Variants in RANBP2 observed in about 807,000 individuals in gnomAD.
RANBP2 encodes the protein E3 SUMO-protein ligase RanBP2.
RANBP2 carries 57 observed loss-of-function variants against 303.6 expected under a neutral mutation model. The ratio of observed to expected loss-of-function variants is 0.19; its 90% CI spans 0.15 to 0.23. The LOEUF (loss-of-function observed/expected upper bound fraction) is 0.23. RANBP2 is among the 10% of genes least tolerant of loss of function. The pLI is 1.00. For missense variants in RANBP2, 3,138 were observed against 3,780.8 expected, an observed-to-expected ratio of 0.83 and a Z score of 4.46; for synonymous variants, 1,167 against 1,301.5, an observed-to-expected ratio of 0.90 and a Z score of 2.23.
chr2:109,474,934 T>C, the RANBP2 span, among the ~76,000 whole-genome samples: 2 of 152,304 alleles, frequency 1.3e-5, no homozygotes, highest in South Asian at 4.1e-4. Flanking sequence ...ATAGCACCTT[T>C]CAGTGTTTTT....
At chr2:108,812,587 G>A in the RANBP2 span, 8 of 1,428,962 alleles carry the variant, frequency 5.6e-6, no homozygotes, top group Admixed American at 1.7e-5. Context: ...TATGAAACCA[G>A]TTGAAGGTGT....
chr2:109,526,942 C>T, the RANBP2 span, among the ~76,000 whole-genome samples: 1 of 152,100 alleles, frequency 6.6e-6, no homozygotes. Context: ...AGCCTGCCTG[C>T]GTGGGGGCTG....
chr2:109,187,864 T>A, the RANBP2 span, among the ~76,000 whole-genome samples: 1 of 152,196 alleles, frequency 6.6e-6, no homozygotes, highest in African/African-American at 2.4e-5. Context: ...ACGGACTGGG[T>A]GCTCTCTTCC....
the RANBP2 span, among the ~76,000 whole-genome samples, chr2:109,287,989 T>C: frequency 6.6e-6 from 1 of 152,134 alleles, no homozygotes; most frequent in Non-Finnish European, 1.5e-5. Flanking sequence ...AAAGGCGAAG[T>C]GAGCCCTGGC....
chr2:109,594,574 T>TTCC, the RANBP2 span: 1 of 152,234 alleles, frequency 6.6e-6, no homozygotes, highest in East Asian at 1.9e-4. Context: ...CAGTGTGGTG[T>TTCC]ATACATATCG....
At chr2:108,907,247 C>A in the RANBP2 span, among the ~76,000 whole-genome samples, 1 of 152,112 alleles carries the variant, frequency 6.6e-6, no homozygotes, top group African/African-American at 2.4e-5. Flanking sequence ...TAGATAAAAC[C>A]CCGTATATTT....
chr2:109,083,396 G>C, the RANBP2 span, among the ~76,000 whole-genome samples: 1 of 152,258 alleles, frequency 6.6e-6, no homozygotes, highest in South Asian at 2.1e-4. Flanking sequence ...CACAGTATTT[G>C]TCGTTTAGTG....
chr2:108,739,367 C>T (rs1037896851), intron 6 of RANBP2, among the ~76,000 whole-genome samples: 1 of 152,152 alleles, frequency 6.6e-6, no homozygotes, highest in East Asian at 1.9e-4. Flanking sequence ...TGTGCCACTG[C>T]ACTCCAGCCT....
chr2:109,555,450 T>G, the RANBP2 span, among the ~76,000 whole-genome samples: 2 of 152,296 alleles, frequency 1.3e-5, no homozygotes, highest in South Asian at 2.1e-4. Flanking sequence ...TAACTTCTTC[T>G]GTAAAGTCTC....
At chr2:109,656,640 T>C in the RANBP2 span, among the ~76,000 whole-genome samples, 1 of 152,158 alleles carries the variant, frequency 6.6e-6, no homozygotes, top group Non-Finnish European at 1.5e-5. Flanking sequence ...GCACCTGGCC[T>C]TTTTCTTAAA....
chr2:109,423,503 A>G, the RANBP2 span, among the ~76,000 whole-genome samples: 1 of 152,216 alleles, frequency 6.6e-6, no homozygotes, highest in Non-Finnish European at 1.5e-5. Context: ...AACACAAGAC[A>G]GGGGCACCTT....
At chr2:108,736,372 A>C in intron 6 of RANBP2, 123 bp downstream of exon 6, 1 of 1,571,258 alleles carries the variant, frequency 6.4e-7, no homozygotes, top group Non-Finnish European at 8.7e-7. Context: ...AGTTATAGTT[A>C]ATACAGTGAA....
chr2:109,604,675 C>A, the RANBP2 span, among the ~76,000 whole-genome samples: 2 of 147,020 alleles, frequency 1.4e-5, no homozygotes, highest in African/African-American at 5.0e-5. Flanking sequence ...TACAGTGAGC[C>A]AAGATTGAGC....
At chr2:109,577,912 CAAAAAAAAAAAA>C in the RANBP2 span, among the ~76,000 whole-genome samples, 3 of 92,344 alleles carry the variant, frequency 3.2e-5, no homozygotes, top group Admixed American at 1.3e-4. Flanking sequence ...GACTTTGTCT[CAAAAAAAAAAAA>C]AAAAAAAAAA....
At chr2:109,361,800 G>C in the RANBP2 span, among the ~76,000 whole-genome samples, 1 of 152,282 alleles carries the variant, frequency 6.6e-6, no homozygotes, top group East Asian at 1.9e-4. Flanking sequence ...TCTTGTATGA[G>C]TTTTAGCAGA....
the RANBP2 span, among the ~76,000 whole-genome samples, chr2:109,361,705 A>T: frequency 1.3e-5 from 2 of 152,086 alleles, no homozygotes; most frequent in African/African-American, 4.8e-5. Context: ...TGAACTCCTG[A>T]CTTCAAATAA....
the RANBP2 span, among the ~76,000 whole-genome samples, chr2:109,111,961 C>T: frequency 6.6e-6 from 1 of 152,104 alleles, no homozygotes; most frequent in African/African-American, 2.4e-5. Flanking sequence ...AGGACATGAA[C>T]TCATCATCTT....
chr2:109,017,730 T>C, the RANBP2 span, among the ~76,000 whole-genome samples: 8 of 152,212 alleles, frequency 5.3e-5, no homozygotes, highest in Non-Finnish European at 1.0e-4. Context: ...TGTGAGGATA[T>C]GAGACCCTTG....
the RANBP2 span, among the ~76,000 whole-genome samples, chr2:109,412,739 G>A: frequency 6.6e-6 from 1 of 152,120 alleles, no homozygotes; most frequent in Non-Finnish European, 1.5e-5. Context: ...GGAAACCATT[G>A]TCACTTGATA....
Sources: allele counts gnomAD v4.1 joint callset (sites outside exome capture counted in the v4.1 genomes callset), GRCh38; gene constraint gnomAD v4.1.1; transcripts MANE v1.5; gene names NCBI Gene and HGNC (gene_info 2026-07-23, HGNC 2026-07-21).